Variants in PARD3B observed in about 807,000 individuals in gnomAD.
The protein encoded by PARD3B is partitioning defective 3 homolog B.
A neutral mutation model predicts 130.2 loss-of-function variants in PARD3B; 103 were observed. The observed-to-expected ratio is 0.79, with a 90% CI of 0.67 to 0.93. The LOEUF (loss-of-function observed/expected upper bound fraction) is 0.93. PARD3B is among the 40% of genes least tolerant of loss of function. PARD3B has a pLI of 0.00. For synonymous variants in PARD3B, 583 were observed against 553.2 expected (o/e 1.05, Z -0.76); for missense variants, 1,609 against 1,499.2 (o/e 1.07, Z -1.21).
At chr2:204,555,628 C>G (rs367705217) in intron 1 of PARD3B, among the ~76,000 whole-genome samples, 1 of 152,104 alleles carries the variant, frequency 6.6e-6, no homozygotes, top group Non-Finnish European at 1.5e-5. Flanking sequence ...ATCATCGAAC[C>G]TGGAAGGTCT....
At chr2:204,921,705 T>G (rs963821402) in intron 2 of PARD3B, among the ~76,000 whole-genome samples, 1 of 152,106 alleles carries the variant, frequency 6.6e-6, no homozygotes, top group Non-Finnish European at 1.5e-5. Context: ...TTTCTGTTAT[T>G]GTTGGAGCAA....
intron 3 of PARD3B, among the ~76,000 whole-genome samples, chr2:205,007,117 G>A (rs189377207): frequency 1.3e-5 from 2 of 152,060 alleles, no homozygotes; most frequent in African/African-American, 4.8e-5. Flanking sequence ...GTGAGTTCTT[G>A]TGAAATCTGA....
chr2:204,595,252 GC>G, intron 1 of PARD3B, among the ~76,000 whole-genome samples: 2 of 152,290 alleles, frequency 1.3e-5, no homozygotes, highest in South Asian at 2.1e-4. Context: ...CCCATCCACT[GC>G]CCCTTGCCCC....
At chr2:205,310,719 CTTTTTTTTTTTT>C (rs34032930) in intron 18 of PARD3B, among the ~76,000 whole-genome samples, 1 of 82,590 alleles carries the variant, frequency 1.2e-5, no homozygotes, top group Non-Finnish European at 2.1e-5. Flanking sequence ...TTCTTTCTTT[CTTTTTTTTTTTT>C]TTTTTTTTTT....
chr2:204,935,643 G>A (rs1352725900), intron 2 of PARD3B, among the ~76,000 whole-genome samples: 1 of 151,854 alleles, frequency 6.6e-6, no homozygotes, highest in East Asian at 1.9e-4. Flanking sequence ...TTATCCTTCT[G>A]TTCTTTTAAA....
In PARD3B at chr2:205,185,787, T is replaced by C. The variant is rs1264563880; in HGVS notation, c.1948T>C (p.Trp650Arg). Residue 650 changes from tryptophan (W) to arginine (R), a missense_variant, in exon 14 of 23, where the codon TGG becomes CGG. By Grantham distance (101) the Trp-to-Arg change is moderately radical (BLOSUM62 -3). Coordinates refer to ENST00000406610, the MANE Select transcript of PARD3B (RefSeq NM_001302769.2). ...AGGTCTATTGCTGCCCAATGACGGATGGGCCGAGAGTGAAGTTCCACCTTC... is the reference window on the plus strand; with the variant it reads ...AGGTCTATTGCTGCCCAATGACGGACGGGCCGAGAGTGAAGTTCCACCTTC... ...QKGLLLPNDGWAESEVPPSPT... is the reference protein window; with the variant it reads ...QKGLLLPNDGRAESEVPPSPT... The C allele has an allele frequency of 2.5e-6, 4 of 1,613,994 alleles. No homozygotes were observed. In the African/African-American group the frequency reaches 4.0e-5, roughly 16 times the overall value.
chr2:204,958,266 A>G (rs1207461243), intron 2 of PARD3B, among the ~76,000 whole-genome samples: 1 of 152,210 alleles, frequency 6.6e-6, no homozygotes, highest in Non-Finnish European at 1.5e-5. Flanking sequence ...AGAATAAACC[A>G]CACCATGAAT....
intron 2 of PARD3B, among the ~76,000 whole-genome samples, chr2:204,711,285 T>C (rs1452670221): frequency 4.8e-4 from 73 of 152,190 alleles, no homozygotes; most frequent in Admixed American, 4.8e-3. Context: ...CAACAAACTT[T>C]ATGAAGAAAA....
At chr2:204,807,421 G>A (rs148417716) in intron 2 of PARD3B, among the ~76,000 whole-genome samples, 5 of 152,166 alleles carry the variant, frequency 3.3e-5, no homozygotes, top group African/African-American at 7.2e-5. Flanking sequence ...CAACCACTAC[G>A]GAGAACACTA....
At chr2:205,402,033 A>G (rs1002105445) in intron 19 of PARD3B, among the ~76,000 whole-genome samples, 2 of 152,214 alleles carry the variant, frequency 1.3e-5, no homozygotes, top group Non-Finnish European at 2.9e-5. Context: ...TAAGAAAATC[A>G]TATCTATTCA....
chr2:205,420,799 AAG>A (rs1321494604), intron 19 of PARD3B, among the ~76,000 whole-genome samples: 1 of 152,186 alleles, frequency 6.6e-6, no homozygotes, highest in Non-Finnish European at 1.5e-5. Flanking sequence ...TAAATTTTCT[AAG>A]AGAGAGAATG....
Position 205,534,055 on chromosome 2 carries a change from CA to C in PARD3B, c.3181-19255del, listed in dbSNP as rs71410823. ...GAGATAAAAGAAAAAGTGAAAAAGC[CA>C]AAAAAAAAAAAAAGGGACAAGAAGA... On this transcript the variant is annotated intron_variant, in intron 21 of 22. Coordinates refer to ENST00000406610, the MANE Select transcript of PARD3B (RefSeq NM_001302769.2). 5.0e-3 allele frequency among the ~76,000 whole-genome samples: 641 copies of C among 129,336 alleles called. 2 individuals are homozygous for C. The highest frequency in any genetic ancestry group is 0.011 in the South Asian group (45 of 4,142). 84.8% of individuals were successfully genotyped at this position (129,336 alleles called of 152,430 possible). A position where few individuals can be genotyped will look rare whatever the true frequency, so the allele number is the denominator to read the frequency against.
At chr2:204,839,547 A>G (rs566298401) in intron 2 of PARD3B, among the ~76,000 whole-genome samples, 5 of 152,258 alleles carry the variant, frequency 3.3e-5, no homozygotes, top group Admixed American at 2.0e-4. Flanking sequence ...GTGGCCATGC[A>G]CTCGAAATTC....
chr2:204,747,742 G>T (rs2040301549), intron 2 of PARD3B, among the ~76,000 whole-genome samples: 1 of 151,798 alleles, frequency 6.6e-6, no homozygotes, highest in Admixed American at 6.6e-5. Flanking sequence ...ATAGACCATT[G>T]GAACAGAACA....
chr2:205,058,200 C>T (rs919111924), intron 4 of PARD3B, among the ~76,000 whole-genome samples: 31 of 151,744 alleles, frequency 2.0e-4, no homozygotes, highest in Non-Finnish European at 3.8e-4. Flanking sequence ...CCTTTTTTGA[C>T]TGGCTTATTT....
intron 18 of PARD3B, among the ~76,000 whole-genome samples, chr2:205,391,214 A>T (rs2045847582): frequency 6.6e-6 from 1 of 152,236 alleles, no homozygotes; most frequent in Non-Finnish European, 1.5e-5. Context: ...TCCGGGGCAA[A>T]GGAGGTAGAG....
intron 18 of PARD3B, among the ~76,000 whole-genome samples, chr2:205,324,502 A>G (rs916622511): frequency 6.6e-6 from 1 of 152,154 alleles, no homozygotes; most frequent in Non-Finnish European, 1.5e-5. Context: ...AGGGCAGGCC[A>G]TTAGAGATAT....
chr2:204,578,916 A>G (rs930066623), intron 1 of PARD3B, among the ~76,000 whole-genome samples: 6 of 152,086 alleles, frequency 3.9e-5, no homozygotes, highest in Admixed American at 3.9e-4. Context: ...GTCAAGCTGT[A>G]GACTTGGGAT....
At chr2:204,613,103 T>C (rs1415382282) in intron 1 of PARD3B, among the ~76,000 whole-genome samples, 1 of 152,190 alleles carries the variant, frequency 6.6e-6, no homozygotes, top group Non-Finnish European at 1.5e-5. Context: ...TGTTTAGTGA[T>C]ATTTCTTTAA....
Sources: allele counts gnomAD v4.1 joint callset (sites outside exome capture counted in the v4.1 genomes callset), GRCh38; gene constraint gnomAD v4.1.1; transcripts MANE v1.5; gene names NCBI Gene and HGNC (gene_info 2026-07-23, HGNC 2026-07-21).